RBFOX1: variants seen among roughly 807,000 people sequenced by gnomAD.
The protein encoded by RBFOX1 is RNA binding fox-1 homolog 1.
A neutral mutation model predicts 57.7 loss-of-function variants in RBFOX1; 8 were observed. The observed-to-expected ratio is 0.14, with a 90% CI of 0.08 to 0.25. The LOEUF (loss-of-function observed/expected upper bound fraction) is 0.25, where lower values mean the gene tolerates loss of function less well. RBFOX1 is among the 10% of genes least tolerant of loss of function. RBFOX1 has a pLI of 1.00. For synonymous variants in RBFOX1, 326 were observed against 222.4 expected, an observed-to-expected ratio of 1.47 and a Z score of -4.15; for missense variants, 611 against 548.5, an observed-to-expected ratio of 1.11 and a Z score of -1.14.
In RBFOX1 at chr16:6,450,777, A is replaced by ATACG. The variant is rs1555480496; in HGVS notation, c.-64+133722_-64+133723insCGTA. ...TACATATATATATGTGTATATATAT[A>ATACG]TATATATATATACATATATATATGT... On this transcript the variant is annotated intron_variant, in intron 2 of 15. Coordinates refer to ENST00000550418, the MANE Select transcript of RBFOX1 (RefSeq NM_018723.4). Among the ~76,000 whole-genome samples, 5 of 39,532 alleles carry ATACG rather than the reference A, an allele frequency of 1.3e-4. No individual in the cohort carries two copies. The East Asian group carries it at 1.5e-3, about 12-fold the overall frequency. 25.9% of individuals were successfully genotyped at this position (39,532 alleles called of 152,430 possible).
At chr16:5,705,708 A>G (rs2051219918) in intron 3 of RBFOX1, among the ~76,000 whole-genome samples, 1 of 152,182 alleles carries the variant, frequency 6.6e-6, no homozygotes, top group African/African-American at 2.4e-5. Context: ...TCATCATCCT[A>G]ACAAGGGGAT....
intron 4 of RBFOX1, among the ~76,000 whole-genome samples, chr16:7,234,687 A>G (rs374261742): frequency 0.026 from 1,935 of 73,720 alleles, 27 homozygotes; most frequent in Middle Eastern, 0.042. Flanking sequence ...TTATATATAT[A>G]TGTATATATA....
chr16:5,856,541 GTGTGTGTGTGTGTGTGTGTGTA>G (rs1469388109), intron 3 of RBFOX1, among the ~76,000 whole-genome samples: 8 of 56,628 alleles, frequency 1.4e-4, no homozygotes, highest in Non-Finnish European at 2.7e-4. Context: ...ATGTGTATGT[GTGTGTGTGTGTGTGTGTGTGTA>G]TGTGTGTGTG....
At chr16:7,124,017 G>T (rs972778404) in intron 4 of RBFOX1, among the ~76,000 whole-genome samples, 1 of 152,030 alleles carries the variant, frequency 6.6e-6, no homozygotes, top group Non-Finnish European at 1.5e-5. Flanking sequence ...TTCTAAAAAT[G>T]GAATTACTAG....
chr16:6,239,408 C>T (rs1449315453), intron 1 of RBFOX1, among the ~76,000 whole-genome samples: 3 of 151,252 alleles, frequency 2.0e-5, no homozygotes, highest in Admixed American at 6.6e-5. Context: ...TCATGAATAC[C>T]CGTCCCATGG....
intron 13 of RBFOX1, among the ~76,000 whole-genome samples, chr16:7,674,868 G>A (rs187694114): frequency 2.0e-5 from 3 of 152,326 alleles, no homozygotes; most frequent in African/African-American, 7.2e-5. Context: ...AAGGCAGAAG[G>A]TGGAGGATAT....
At chr16:7,428,708 G>T (rs929691768) in intron 4 of RBFOX1, among the ~76,000 whole-genome samples, 2 of 151,826 alleles carry the variant, frequency 1.3e-5, no homozygotes, top group East Asian at 3.9e-4. Context: ...CCAAACATTG[G>T]AGTCAGACAG....
intron 3 of RBFOX1, among the ~76,000 whole-genome samples, chr16:5,839,570 G>T (rs1251392553): frequency 6.6e-6 from 1 of 152,122 alleles, no homozygotes; most frequent in East Asian, 1.9e-4. Context: ...GCCATCAGAG[G>T]CTTCTTAATC....
At chr16:6,381,056 T>C (rs953691785) in intron 2 of RBFOX1, among the ~76,000 whole-genome samples, 4 of 152,172 alleles carry the variant, frequency 2.6e-5, no homozygotes, top group East Asian at 1.9e-4. Context: ...AGAGAGGAGA[T>C]GCCTGTCAGT....
chr16:7,198,295 G>A (rs187977354), intron 4 of RBFOX1, among the ~76,000 whole-genome samples: 214 of 152,250 alleles, frequency 1.4e-3, no homozygotes, highest in African/African-American at 4.8e-3. Flanking sequence ...GTAAGCCACC[G>A]CACATGGCCA....
chr16:7,481,724 A>G (rs1415648857), intron 4 of RBFOX1, among the ~76,000 whole-genome samples: 1 of 152,216 alleles, frequency 6.6e-6, no homozygotes, highest in Non-Finnish European at 1.5e-5. Context: ...GGATGGGATC[A>G]TACTGCAATA....
At chr16:7,199,449 CTGAG>C (rs1216986280) in intron 4 of RBFOX1, among the ~76,000 whole-genome samples, 4 of 152,100 alleles carry the variant, frequency 2.6e-5, no homozygotes, top group Admixed American at 6.5e-5. Flanking sequence ...AAATGAATGA[CTGAG>C]TGTTTCAGGC....
rs188365385 is a variant in RBFOX1, at chr16:6,851,440, T to C, written c.-16+196790T>C. ...TGTATATTACTTATTAAATTACATG[T>C]GAATCTACAGTTATCTCAAAAAGTT... On this transcript the variant is annotated intron_variant, in intron 3 of 15. Coordinates refer to ENST00000550418, the MANE Select transcript of RBFOX1 (RefSeq NM_018723.4). 3.4e-4 allele frequency among the ~76,000 whole-genome samples: 52 copies of C among 152,330 alleles called. 1 individual carries two copies. Among genetic ancestry groups the C allele is most frequent in the Non-Finnish European group, 3.2e-4 (22 of 68,036 alleles).
chr16:7,206,649 T>TAGA (rs1186542909), intron 4 of RBFOX1, among the ~76,000 whole-genome samples: 2 of 152,046 alleles, frequency 1.3e-5, no homozygotes, highest in Non-Finnish European at 2.9e-5. Flanking sequence ...ATCCCTCAGC[T>TAGA]AGATTAGTTT....
chr16:5,756,156 C>T (rs754063217), intron 3 of RBFOX1, among the ~76,000 whole-genome samples: 53 of 144,392 alleles, frequency 3.7e-4, no homozygotes, highest in Non-Finnish European at 4.9e-4. Context: ...CAGAAGGTTC[C>T]ATGCCTTCCC....
chr16:5,758,809 T>C (rs1298379672), intron 3 of RBFOX1, among the ~76,000 whole-genome samples: 13 of 152,170 alleles, frequency 8.5e-5, no homozygotes, highest in Non-Finnish European at 1.5e-4. Flanking sequence ...AATGCACATC[T>C]AGGGAATGTA....
chr16:5,603,400 G>A (rs2047432415), downstream of RBFOX1, among the ~76,000 whole-genome samples: 1 of 152,168 alleles, frequency 6.6e-6, no homozygotes, highest in Admixed American at 6.5e-5. Flanking sequence ...TAATGGGGAA[G>A]CAGTCTGAAA....
At chr16:6,975,366 A>G (rs747004399) in intron 3 of RBFOX1, among the ~76,000 whole-genome samples, 6 of 152,088 alleles carry the variant, frequency 3.9e-5, no homozygotes, top group Non-Finnish European at 7.3e-5. Flanking sequence ...CCTGGGTTCA[A>G]GCGATTCTCC....
At chr16:5,856,619 C>T (rs2057079723) in intron 3 of RBFOX1, among the ~76,000 whole-genome samples, 1 of 76,598 alleles carries the variant, frequency 1.3e-5, no homozygotes, top group Non-Finnish European at 2.6e-5. Context: ...TTAGCCAGAT[C>T]TTCTGGATAA....
Sources: allele counts gnomAD v4.1 joint callset (sites outside exome capture counted in the v4.1 genomes callset), GRCh38; gene constraint gnomAD v4.1.1; transcripts MANE v1.5; gene names NCBI Gene and HGNC (gene_info 2026-07-23, HGNC 2026-07-21).